AGO1: variants seen among roughly 807,000 people sequenced by gnomAD.
The protein encoded by AGO1 is protein argonaute-1.
Under a neutral mutation model 109.2 loss-of-function variants are expected in AGO1, and 11 were observed. The ratio of observed to expected loss-of-function variants is 0.10; its 90% CI spans 0.06 to 0.17. The LOEUF is 0.17. AGO1 is among the 10% of genes least tolerant of loss of function. The pLI is 1.00. For missense variants in AGO1, 574 were observed against 1,140.3 expected (o/e 0.50, Z 7.15); for synonymous variants, 422 against 418.6 (o/e 1.01, Z -0.10).
intron 13 of AGO1, 68 bp downstream of exon 13, chr1:35,914,069 C>G: frequency 6.2e-7 from 1 of 1,602,734 alleles, no homozygotes; most frequent in Non-Finnish European, 8.5e-7. Context: ...GAGATAGGAC[C>G]CTGGCCAGGC....
Position 35,921,172 on chromosome 1 carries a change from GC to G in AGO1, c.*1566del, listed in dbSNP as rs2148727201. 1 of 152,512 alleles carries G rather than the reference GC, an allele frequency of 6.6e-6. No individual in the cohort carries two copies. Among genetic ancestry groups the G allele is most frequent in the East Asian group, 1.9e-4 (1 of 5,202 alleles). The allele number at this position is 152,512 out of a possible 1,614,324, so 9.4% of individuals were successfully genotyped here. Reference sequence around the variant, plus strand: ...CTGACCCTTTGGCTCATCCTAGATTGCAGTGTGTCCTGTGGACAGGCTGGGG... The same window carrying G: ...CTGACCCTTTGGCTCATCCTAGATTGAGTGTGTCCTGTGGACAGGCTGGGG... On this transcript the variant is annotated 3_prime_UTR_variant, in exon 19 of 19. Transcript: ENST00000373204.
Position 35,888,562 on chromosome 1 carries a change from A to T in AGO1, c.161A>T (p.His54Leu). ...EVDIPKIDVY[H>L]YEVDIKPDKC... ...GACATCCCTAAGATCGACGTGTACC[A>T]CTACGAGGTGGACATCAAGCCGGAT... The change falls in exon 2 of 19, where the codon CAC (histidine) becomes CTC (leucine). Residue 54 changes from histidine to leucine, a missense_variant. His to Leu is a moderately conservative substitution (Grantham distance 99). Around this residue, in one of 8 missense-constraint regions of AGO1, gnomAD observed 89 missense variants for 109.6 expected, o/e 0.81. Transcript: ENST00000373204. The surrounding 1 kb of genome is among the most constrained non-coding windows in gnomAD (Gnocchi z 4.1). 1 of 1,614,226 alleles carries T rather than the reference A, an allele frequency of 6.2e-7. No homozygotes were observed. Among genetic ancestry groups the T allele is most frequent in the South Asian group, 1.1e-5 (1 of 91,084 alleles).
Position 35,901,523 on chromosome 1 carries a change from A to G in AGO1, c.1070A>G (p.Asn357Ser), listed in dbSNP as rs1645416400. 1 of 1,614,152 alleles carries G rather than the reference A, an allele frequency of 6.2e-7. No individual in the cohort carries two copies. The highest frequency in any genetic ancestry group is 8.5e-7 in the Non-Finnish European group (1 of 1,180,012). Residue 357 changes from asparagine (N) to serine (S), a missense_variant, in exon 9 of 19, where the codon AAC (asparagine) becomes AGC (serine). Asn to Ser is a conservative substitution (Grantham distance 46). This residue lies in a region of AGO1 where 42 missense variants were observed against 142.4 expected (regional missense o/e 0.29). Coordinates refer to ENST00000373204, the MANE Select transcript of AGO1 (RefSeq NM_012199.5). This position sits in a 1 kb window ranked among gnomAD's most constrained non-coding sequence, Gnocchi z 4.8. Reference sequence around the variant, plus strand: ...CGCTGTATTAAAAAGCTGACCGACAACCAGACCTCGACCATGATAAAGGCC... The same window carrying G: ...CGCTGTATTAAAAAGCTGACCGACAGCCAGACCTCGACCATGATAAAGGCC... ...GQRCIKKLTD[N>S]QTSTMIKATA...
chr1:35,893,535 C>G lies in AGO1; in HGVS notation c.513-139C>G. 5.2e-6 allele frequency: 5 copies of G among 960,952 alleles called. No homozygotes were observed. The highest frequency in any genetic ancestry group is 7.5e-6 in the Non-Finnish European group (5 of 664,412). 59.5% of individuals were successfully genotyped at this position (960,952 alleles called of 1,614,324 possible). ...AGGTAGAAACTTGTACAAGGTCAGT[C>G]ATACAACTAGTAAAGCATCAGAGCT... On this transcript the variant is annotated intron_variant, in intron 4 of 18. Coordinates refer to ENST00000373204, the MANE Select transcript of AGO1 (RefSeq NM_012199.5). This position sits in a 1 kb window ranked among gnomAD's most constrained non-coding sequence, Gnocchi z 5.6.
At position 35,919,002 on chromosome 1, in the gene AGO1, A is replaced by G. The variant is rs1645784727; in HGVS notation, c.2266-53A>G. ...TTAACAGTGATCCTGTTCCCCTATT[A>G]TCAGCCATCTTCTCTGCCCAGCCTG... On this transcript the variant is annotated intron_variant, in intron 17 of 18. Coordinates refer to ENST00000373204, the MANE Select transcript of AGO1 (RefSeq NM_012199.5). This position sits in a 1 kb window ranked among gnomAD's most constrained non-coding sequence, Gnocchi z 6.6. 1 of 1,510,158 alleles carries G rather than the reference A, an allele frequency of 6.6e-7. No homozygotes were observed. The highest frequency in any genetic ancestry group is 9.2e-7 in the Non-Finnish European group (1 of 1,087,378). The allele number at this position is 1,510,158 out of a possible 1,614,324, so 93.5% of individuals were successfully genotyped here.
At chr1:35,872,346 C>A (rs1043630320) in intron 1 of AGO1, among the ~76,000 whole-genome samples, 1 of 151,638 alleles carries the variant, frequency 6.6e-6, no homozygotes, top group African/African-American at 2.4e-5. Flanking sequence ...CCATCACACC[C>A]GGCTAATTTT....
chr1:35,893,403 A>T lies in AGO1; in HGVS notation c.512+125A>T. 9.2e-7 allele frequency: 1 copy of T among 1,081,084 alleles called. No individual in the cohort carries two copies. The highest frequency in any genetic ancestry group is 1.6e-5 in the South Asian group (1 of 61,792). 67.0% of individuals were successfully genotyped at this position (1,081,084 alleles called of 1,614,324 possible). On this transcript the variant is annotated intron_variant, in intron 4 of 18. Transcript: ENST00000373204. The surrounding 1 kb of genome is among the most constrained non-coding windows in gnomAD (Gnocchi z 5.6). ...AAAAAAAATTATTTGAAGCCCTACC[A>T]CTTGCCAGGCAAATGTGTATTTATA...
chr1:35,873,054 CTTG>C (rs900950797), intron 1 of AGO1, among the ~76,000 whole-genome samples: 2 of 140,694 alleles, frequency 1.4e-5, no homozygotes, highest in African/African-American at 5.4e-5. Flanking sequence ...TCCCTGGTTA[CTTG>C]TTTTTTTTTT....
Position 35,901,347 on chromosome 1 carries a change from T to C in AGO1, c.1021-127T>C. 2.6e-6 allele frequency: 3 copies of C among 1,158,502 alleles called. No individual in the cohort carries two copies. Among genetic ancestry groups the C allele is most frequent in the Non-Finnish European group, 3.8e-6 (3 of 799,542 alleles). 71.8% of individuals were successfully genotyped at this position (1,158,502 alleles called of 1,614,324 possible). ...GATACTCAGGAGGAGAATACATGTA[T>C]GCACAACGGATTTTGCAGTTCCCTT... On this transcript the variant is annotated intron_variant, in intron 8 of 18. Transcript: ENST00000373204. The surrounding 1 kb of genome is among the most constrained non-coding windows in gnomAD (Gnocchi z 4.8).
rs1645897877 is a variant in AGO1, at chr1:35,924,856, G to C, written c.*5249G>C. On this transcript the variant is annotated 3_prime_UTR_variant, in exon 19 of 19. Transcript: ENST00000373204. ...TGAGTTTTGAGGTGTTTGTGGGGCA[G>C]TAAGGGTAAGGTGTCCAGTAAACAC... is the stretch of plus-strand genomic sequence containing the variant. The C allele has an allele frequency of 2.0e-5, 3 of 152,186 alleles. No individual in the cohort carries two copies. The allele number at this position is 152,186 out of a possible 1,614,324, so 9.4% of individuals were successfully genotyped here.
At chr1:35,909,484 G>A (rs1390719163) in intron 12 of AGO1, among the ~76,000 whole-genome samples, 1 of 152,216 alleles carries the variant, frequency 6.6e-6, no homozygotes, top group African/African-American at 2.4e-5. Context: ...AGTCTCTGGT[G>A]TTGTACACAT....
At chr1:35,914,099 G>A (rs1645690625) in intron 13 of AGO1, 85 bp from the exon 14 acceptor site, 2 of 1,594,126 alleles carry the variant, frequency 1.3e-6, no homozygotes, top group Non-Finnish European at 1.7e-6. Flanking sequence ...CAGACATAAG[G>A]GGGAGAAGAG....
At chr1:35,896,405 G>A (rs186377242) in intron 8 of AGO1, among the ~76,000 whole-genome samples, 60 of 151,556 alleles carry the variant, frequency 4.0e-4, no homozygotes, top group East Asian at 5.8e-4. Flanking sequence ...ACAGAGTCTC[G>A]CTGGAGTGCA....
chr1:35,916,920 C>A (rs555924766), intron 15 of AGO1, among the ~76,000 whole-genome samples: 1 of 152,180 alleles, frequency 6.6e-6, no homozygotes, highest in Non-Finnish European at 1.5e-5. Context: ...GAAAATGAGA[C>A]TTAGTGGAGT....
rs1157496548 is a variant in AGO1, at chr1:35,901,800, A to G, written c.1141-148A>G. On this transcript the variant is annotated intron_variant, in intron 9 of 18. Coordinates refer to ENST00000373204, the MANE Select transcript of AGO1 (RefSeq NM_012199.5). This position sits in a 1 kb window ranked among gnomAD's most constrained non-coding sequence, Gnocchi z 4.8. ...TATTACTTTGCTGTGTTATTCCCTCACTTCCCTCATCTTCCACTTTCTCTC... is the reference window on the plus strand; with the variant it reads ...TATTACTTTGCTGTGTTATTCCCTCGCTTCCCTCATCTTCCACTTTCTCTC... 2 of 1,314,832 alleles carry G rather than the reference A, an allele frequency of 1.5e-6. No individual in the cohort carries two copies. The highest frequency in any genetic ancestry group is 4.6e-5 in the East Asian group (2 of 43,040). The allele number at this position is 1,314,832 out of a possible 1,614,324, so 81.4% of individuals were successfully genotyped here.
Position 35,893,929 on chromosome 1 carries a change from C to G in AGO1, c.650-108C>G. ...TCTAATTCCTACAGCCCTGGCACCC[C>G]CTTCCCCCATCCCAATGCCCTTTAA... On this transcript the variant is annotated intron_variant, in intron 5 of 18. Transcript: ENST00000373204. The surrounding 1 kb of genome is among the most constrained non-coding windows in gnomAD (Gnocchi z 5.6). 6.6e-7 allele frequency: 1 copy of G among 1,524,556 alleles called. No homozygotes were observed. Among genetic ancestry groups the G allele is most frequent in the Non-Finnish European group, 8.8e-7 (1 of 1,131,182 alleles). 94.4% of individuals were successfully genotyped at this position (1,524,556 alleles called of 1,614,324 possible). A position where few individuals can be genotyped will look rare whatever the true frequency, so the allele number is the denominator to read the frequency against.
intron 11 of AGO1, among the ~76,000 whole-genome samples, chr1:35,905,460 C>T (rs1053826111): frequency 7.2e-5 from 11 of 152,082 alleles, no homozygotes; most frequent in African/African-American, 2.7e-4. Context: ...TTCATGTCCT[C>T]CACCCTAGTC....
chr1:35,876,519 G>T (rs1243215123), intron 1 of AGO1, among the ~76,000 whole-genome samples: 1 of 152,138 alleles, frequency 6.6e-6, no homozygotes, highest in Non-Finnish European at 1.5e-5. Context: ...GCCCACCTCG[G>T]CCTCCCAAAG....
At chr1:35,903,834 G>A (rs990684263) in intron 11 of AGO1, among the ~76,000 whole-genome samples, 3 of 151,752 alleles carry the variant, frequency 2.0e-5, no homozygotes, top group East Asian at 2.0e-4. Context: ...GTGGTGGCGC[G>A]TGCCTGTAGT....
Sources: allele counts gnomAD v4.1 joint callset (sites outside exome capture counted in the v4.1 genomes callset), GRCh38; gene constraint gnomAD v4.1.1; regional missense constraint gnomAD v4.1.1; non-coding constraint Gnocchi (gnomAD v3.1); transcripts MANE v1.5; gene names NCBI Gene and HGNC (gene_info 2026-07-23, HGNC 2026-07-21).